Variants in NKAIN2 observed in about 807,000 individuals in gnomAD.
NKAIN2 encodes the protein sodium/potassium-transporting ATPase subunit beta-1-interacting protein 2.
NKAIN2 carries 14 observed loss-of-function variants against 32.6 expected under a neutral mutation model. The ratio of observed to expected loss-of-function variants is 0.43; its 90% CI spans 0.28 to 0.67. The LOEUF is 0.67. Among genes scored for constraint, NKAIN2 ranks in the 30% least tolerant of loss-of-function variants. NKAIN2 has a pLI of 0.17. For missense variants in NKAIN2, 198 were observed against 258.3 expected (o/e 0.77, Z 1.60); for synonymous variants, 80 against 87.2 (o/e 0.92, Z 0.46).
intron 1 of NKAIN2, among the ~76,000 whole-genome samples, chr6:123,985,695 A>G (rs1272713575): frequency 6.6e-6 from 1 of 152,226 alleles, no homozygotes; most frequent in Non-Finnish European, 1.5e-5. Context: ...TGAAACAGCT[A>G]AAATATATTG....
At chr6:123,886,600 G>A (rs1366599037) in intron 1 of NKAIN2, among the ~76,000 whole-genome samples, 1 of 152,108 alleles carries the variant, frequency 6.6e-6, no homozygotes, top group Non-Finnish European at 1.5e-5. Context: ...AAACAAAGAA[G>A]TGAATGCTAA....
chr6:124,041,285 A>G lies in NKAIN2; in HGVS notation c.54+237031A>G, dbSNP rs539674340. ...TCATTATCCGCACATCATCTCATAC[A>G]ATTGTGAGGACATTGCTGCCTTATA... On this transcript the variant is annotated intron_variant, in intron 1 of 6. Transcript: ENST00000368417. Among the ~76,000 whole-genome samples the G allele has an allele frequency of 5.3e-5, 8 of 152,138 alleles. No homozygotes were observed. In the East Asian group the frequency reaches 1.2e-3, roughly 22 times the overall value.
At chr6:124,396,747 G>A (rs902314788) in intron 3 of NKAIN2, among the ~76,000 whole-genome samples, 2 of 152,142 alleles carry the variant, frequency 1.3e-5, no homozygotes, top group African/African-American at 4.8e-5. Flanking sequence ...TGGGAGAGTG[G>A]GAGGTGTATG....
At chr6:123,920,827 A>C (rs1371959044) in intron 1 of NKAIN2, among the ~76,000 whole-genome samples, 1 of 152,194 alleles carries the variant, frequency 6.6e-6, no homozygotes, top group Non-Finnish European at 1.5e-5. Context: ...TACTCAAAGA[A>C]TTATCTTCAT....
chr6:123,833,842 C>G (rs1447165140), intron 1 of NKAIN2, among the ~76,000 whole-genome samples: 2 of 151,460 alleles, frequency 1.3e-5, no homozygotes, highest in Non-Finnish European at 2.9e-5. Context: ...ATTCTCCTGG[C>G]TCAGCCTCCT....
At chr6:124,168,386 A>G (rs1025193998) in intron 1 of NKAIN2, among the ~76,000 whole-genome samples, 3 of 152,150 alleles carry the variant, frequency 2.0e-5, no homozygotes, top group African/African-American at 7.2e-5. Flanking sequence ...GAATTATATG[A>G]TATTGTAGTA....
chr6:123,949,586 G>A (rs941557414), intron 1 of NKAIN2, among the ~76,000 whole-genome samples: 3 of 151,660 alleles, frequency 2.0e-5, no homozygotes, highest in African/African-American at 7.3e-5. Context: ...TTGCCTTCTT[G>A]ATTTTTTCTC....
chr6:124,666,956 T>C (rs1453444609), intron 4 of NKAIN2, among the ~76,000 whole-genome samples: 2 of 152,142 alleles, frequency 1.3e-5, no homozygotes, highest in African/African-American at 4.8e-5. Context: ...TTTAGCTCAG[T>C]TTCTTCCACT....
chr6:123,885,274 G>C (rs1001456074), intron 1 of NKAIN2, among the ~76,000 whole-genome samples: 16 of 152,204 alleles, frequency 1.1e-4, no homozygotes, highest in African/African-American at 3.6e-4. Flanking sequence ...GCCCCTGATA[G>C]GATTACGGGA....
chr6:124,459,901 A>G (rs983139186), intron 3 of NKAIN2, among the ~76,000 whole-genome samples: 3 of 151,702 alleles, frequency 2.0e-5, no homozygotes, highest in African/African-American at 7.3e-5. Flanking sequence ...GATATTAGTG[A>G]CCATTTATTT....
At chr6:124,564,395 TGCTCTGTATAATGGATCAATCAGC>T (rs1408708313) in intron 3 of NKAIN2, among the ~76,000 whole-genome samples, 1 of 152,064 alleles carries the variant, frequency 6.6e-6, no homozygotes, top group Non-Finnish European at 1.5e-5. Flanking sequence ...GACCAATCAA[TGCTCTGTATAATGGATCAATCAGC>T]GCTCTGTAAA....
rs565862671 is a variant in NKAIN2, at chr6:124,069,457, C to T, written c.55-213548C>T. ...AGAGTCATTACTCTAATCAAGAGTA[C>T]GCAAAATGAACCTGGAGACCAGTCA... On this transcript the variant is annotated intron_variant, in intron 1 of 6. Coordinates refer to ENST00000368417, the MANE Select transcript of NKAIN2 (RefSeq NM_001040214.3). 2.2e-4 allele frequency among the ~76,000 whole-genome samples: 33 copies of T among 152,036 alleles called. 1 individual carries two copies. The highest frequency in any genetic ancestry group is 1.7e-3 in the Admixed American group (26 of 15,250).
At chr6:124,413,443 GCTGTATT>G (rs1774312945) in intron 3 of NKAIN2, among the ~76,000 whole-genome samples, 1 of 152,050 alleles carries the variant, frequency 6.6e-6, no homozygotes, top group South Asian at 2.1e-4. Context: ...TCAATACCAC[GCTGTATT>G]GATTTCTGTA....
Position 124,291,414 on chromosome 6 carries a change from T to C in NKAIN2, c.192+8272T>C, listed in dbSNP as rs898850103. ...TTGTGGCTCAGAAAATCATATTCAA[T>C]GTATGGCAATTTTGAATGAAAAGAG... On this transcript the variant is annotated intron_variant, in intron 2 of 6. Coordinates refer to ENST00000368417, the MANE Select transcript of NKAIN2 (RefSeq NM_001040214.3). Among the ~76,000 whole-genome samples the C allele has an allele frequency of 1.3e-4, 20 of 152,188 alleles. 1 individual carries two copies. Among genetic ancestry groups the C allele is most frequent in the Admixed American group, 1.2e-3 (18 of 15,244 alleles).
chr6:124,389,504 T>G (rs192852717), intron 3 of NKAIN2, among the ~76,000 whole-genome samples: 1 of 152,262 alleles, frequency 6.6e-6, no homozygotes, highest in East Asian at 1.9e-4. Context: ...AAATATGTTA[T>G]CTCAGTGGAG....
At chr6:123,818,543 A>C (rs550130615) in intron 1 of NKAIN2, among the ~76,000 whole-genome samples, 107 of 152,304 alleles carry the variant, frequency 7.0e-4, no homozygotes, top group African/African-American at 2.4e-3. Context: ...ATTGCCAAAG[A>C]AGCATAATAA....
At chr6:124,761,127 T>C (rs143254754) in intron 4 of NKAIN2, among the ~76,000 whole-genome samples, 2 of 152,350 alleles carry the variant, frequency 1.3e-5, no homozygotes, top group East Asian at 3.9e-4. Flanking sequence ...AATTTCCCTT[T>C]ACTACAATGT....
At chr6:123,996,841 C>T (rs142759500) in intron 1 of NKAIN2, among the ~76,000 whole-genome samples, 2 of 152,246 alleles carry the variant, frequency 1.3e-5, no homozygotes, top group African/African-American at 4.8e-5. Flanking sequence ...TTTGTTTCAG[C>T]ATATGTCTGC....
intron 5 of NKAIN2, among the ~76,000 whole-genome samples, chr6:124,806,348 G>A (rs544759264): frequency 6.6e-6 from 1 of 152,160 alleles, no homozygotes; most frequent in Non-Finnish European, 1.5e-5. Context: ...CATACTTAAA[G>A]AAAAGATTTT....
Sources: allele counts gnomAD v4.1 joint callset (sites outside exome capture counted in the v4.1 genomes callset), GRCh38; gene constraint gnomAD v4.1.1; transcripts MANE v1.5; gene names NCBI Gene and HGNC (gene_info 2026-07-23, HGNC 2026-07-21).